Variants in DGKI observed in about 807,000 individuals in gnomAD.
The protein encoded by DGKI is diacylglycerol kinase iota, also known as DAG kinase iota.
In DGKI, 55 loss-of-function variants were observed where a neutral mutation model predicts 147.5. That is an observed-to-expected ratio of 0.37 (90% CI 0.30 to 0.47). DGKI has a LOEUF of 0.47. Among genes scored for constraint, DGKI ranks in the 20% least tolerant of loss-of-function variants. DGKI has a pLI of 1.00. For synonymous variants in DGKI, 469 were observed against 477.1 expected (o/e 0.98, Z 0.22); for missense variants, 1,007 against 1,323.8 (o/e 0.76, Z 3.71).
intron 1 of DGKI, among the ~76,000 whole-genome samples, chr7:137,830,856 T>C (rs1050555764): frequency 3.3e-5 from 5 of 152,218 alleles, no homozygotes; most frequent in Non-Finnish European, 5.9e-5. Flanking sequence ...ATAGGGGCTT[T>C]GGGTGACTTA....
chr7:137,729,705 T>G (rs1031320087), intron 1 of DGKI, among the ~76,000 whole-genome samples: 14 of 152,092 alleles, frequency 9.2e-5, no homozygotes, highest in Non-Finnish European at 5.9e-5. Context: ...AACCTTCTAA[T>G]GGCCAAAAAC....
intron 5 of DGKI, 151 bp downstream of exon 5, chr7:137,654,581 A>C: frequency 1.5e-6 from 1 of 663,168 alleles, no homozygotes; most frequent in South Asian, 1.7e-5. Context: ...TGAAGATTTT[A>C]TTGATTGTGC....
At chr7:137,680,716 G>C (rs1823205157) in intron 2 of DGKI, among the ~76,000 whole-genome samples, 1 of 152,210 alleles carries the variant, frequency 6.6e-6, no homozygotes, top group African/African-American at 2.4e-5. Flanking sequence ...AGGAGGCAGA[G>C]GTTGCAGTGA....
chr7:137,661,695 T>TCTC (rs1324540206), intron 3 of DGKI, among the ~76,000 whole-genome samples: 1 of 151,974 alleles, frequency 6.6e-6, no homozygotes, highest in Non-Finnish European at 1.5e-5. Flanking sequence ...AGGAGAGTGC[T>TCTC]CTCCTCCTCC....
intron 10 of DGKI, among the ~76,000 whole-genome samples, chr7:137,600,960 T>C (rs1023114984): frequency 1.3e-5 from 2 of 152,104 alleles, no homozygotes; most frequent in Non-Finnish European, 2.9e-5. Context: ...ATTTTTAAAT[T>C]GGATTGAGCA....
At chr7:137,395,542 A>G (rs1385370821) in intron 32 of DGKI, 56 bp downstream of exon 32, 26 of 1,535,344 alleles carry the variant, frequency 1.7e-5, no homozygotes, top group South Asian at 2.2e-5. Flanking sequence ...AGCAAAGGCA[A>G]CAGCGCCTGC....
At chr7:137,572,564 A>G (rs1162044130) in intron 18 of DGKI, among the ~76,000 whole-genome samples, 1 of 152,230 alleles carries the variant, frequency 6.6e-6, no homozygotes, top group African/African-American at 2.4e-5. Flanking sequence ...AATGCATGCC[A>G]CATGACGCAC....
At chr7:137,438,721 T>C (rs1036120068) in intron 28 of DGKI, among the ~76,000 whole-genome samples, 2 of 152,166 alleles carry the variant, frequency 1.3e-5, no homozygotes, top group East Asian at 1.9e-4. Flanking sequence ...TATAAATTGG[T>C]ATATACTCAT....
intron 6 of DGKI, among the ~76,000 whole-genome samples, chr7:137,636,872 C>G (rs901392249): frequency 1.1e-4 from 17 of 152,130 alleles, no homozygotes; most frequent in African/African-American, 3.9e-4. Context: ...CATGTGATCT[C>G]TACACTCAGG....
chr7:137,561,046 T>C (rs180746848), intron 19 of DGKI, among the ~76,000 whole-genome samples: 2 of 152,152 alleles, frequency 1.3e-5, no homozygotes, highest in East Asian at 3.9e-4. Flanking sequence ...AATGGAAGTA[T>C]CATATGATCC....
rs1042288967 is a variant in DGKI, at chr7:137,559,306, C to T, written c.1948-6738G>A. On this transcript the variant is annotated intron_variant, in intron 19 of 32. Coordinates refer to ENST00000614521, the MANE Select transcript of DGKI (RefSeq NM_001321708.2). ...CGGGATGGTCTCGATCTCCTGACCT[C>T]GTGATCTGCCCGCCTCGGCCTCCCA... is the stretch of plus-strand genomic sequence containing the variant. Among the ~76,000 whole-genome samples the T allele has an allele frequency of 5.3e-5, 8 of 150,454 alleles. No individual in the cohort carries two copies. In the East Asian group the frequency reaches 8.0e-4, roughly 15 times the overall value.
intron 21 of DGKI, among the ~76,000 whole-genome samples, chr7:137,497,568 A>C (rs984746993): frequency 9.9e-5 from 15 of 152,214 alleles, no homozygotes; most frequent in African/African-American, 3.1e-4. Flanking sequence ...AGAGAGGATA[A>C]AGAAAATGTG....
intron 1 of DGKI, among the ~76,000 whole-genome samples, chr7:137,744,386 C>T (rs1250517703): frequency 6.6e-6 from 1 of 151,964 alleles, no homozygotes; most frequent in Admixed American, 6.6e-5. Flanking sequence ...GAAACTGAAT[C>T]AGTAATTAAA....
chr7:137,550,147 GTGT>G (rs376139471), intron 20 of DGKI, among the ~76,000 whole-genome samples: 4 of 150,428 alleles, frequency 2.7e-5, no homozygotes, highest in East Asian at 1.9e-4. Flanking sequence ...GTTTTGGGGT[GTGT>G]TGTTGTTGTT....
intron 1 of DGKI, among the ~76,000 whole-genome samples, chr7:137,757,529 T>C (rs539174793): frequency 6.6e-6 from 1 of 151,972 alleles, no homozygotes; most frequent in Non-Finnish European, 1.5e-5. Flanking sequence ...CGGTAAGGAG[T>C]CCCAACATTC....
intron 1 of DGKI, among the ~76,000 whole-genome samples, chr7:137,712,412 T>A (rs1794242897): frequency 6.6e-6 from 1 of 152,222 alleles, no homozygotes; most frequent in Non-Finnish European, 1.5e-5. Context: ...TGTGTTCTAA[T>A]CAAAATTGAA....
intron 28 of DGKI, among the ~76,000 whole-genome samples, chr7:137,432,820 C>A (rs759161597): frequency 3.3e-5 from 5 of 152,124 alleles, no homozygotes; most frequent in Non-Finnish European, 7.3e-5. Context: ...AAGGTCCTTC[C>A]TTCCCAATAT....
chr7:137,659,934 A>T (rs1189335312), intron 3 of DGKI, among the ~76,000 whole-genome samples: 6 of 152,244 alleles, frequency 3.9e-5, no homozygotes, highest in Admixed American at 1.3e-4. Context: ...CTCCATCTCA[A>T]AAAAGAAGCA....
intron 1 of DGKI, among the ~76,000 whole-genome samples, chr7:137,810,333 C>T (rs1440770847): frequency 3.3e-5 from 5 of 151,870 alleles, no homozygotes; most frequent in African/African-American, 9.7e-5. Flanking sequence ...ACAGGCAAAA[C>T]ATTAATGGCT....
Sources: allele counts gnomAD v4.1 joint callset (sites outside exome capture counted in the v4.1 genomes callset), GRCh38; gene constraint gnomAD v4.1.1; transcripts MANE v1.5; gene names NCBI Gene and HGNC (gene_info 2026-07-23, HGNC 2026-07-21).